LRP2BP: variants seen among roughly 807,000 people sequenced by gnomAD.
LRP2BP encodes the protein LRP2-binding protein.
LRP2BP carries 38 observed loss-of-function variants against 45.2 expected under a neutral mutation model. The ratio of observed to expected loss-of-function variants is 0.84; its 90% CI spans 0.65 to 1.10. The LOEUF is 1.10. Among genes scored for constraint, LRP2BP ranks in the 50% least tolerant of loss-of-function variants. The pLI, the probability that LRP2BP is intolerant of heterozygous loss-of-function variation, is 0.00. For synonymous variants in LRP2BP, 153 were observed against 153.9 expected (o/e 0.99, Z 0.04); for missense variants, 385 against 418.9 (o/e 0.92, Z 0.71).
chr4:185,377,620 C>T (rs1456739744), intron 2 of LRP2BP: 3 of 166,718 alleles, frequency 1.8e-5, no homozygotes, highest in African/African-American at 7.2e-5. Context: ...GGGTATAAGT[C>T]TATGCATTGG....
At position 185,367,053 on chromosome 4, in the gene LRP2BP, A is replaced by AT. The variant is rs2095390359; in HGVS notation, c.*126dup. 1 of 821,700 alleles carries AT rather than the reference A, an allele frequency of 1.2e-6. No individual in the cohort carries two copies. Among genetic ancestry groups the AT allele is most frequent in the Admixed American group, 2.4e-5 (1 of 42,250 alleles). The allele number at this position is 821,700 out of a possible 1,614,324, so 50.9% of individuals were successfully genotyped here. On this transcript the variant is annotated 3_prime_UTR_variant, in exon 9 of 9. Transcript: ENST00000505916. Reference sequence around the variant, plus strand: ...CGTACGAATTCAAGAACGAAGTAACATGTCACCTGTAAAATACCCAGGATA... The same window carrying AT: ...CGTACGAATTCAAGAACGAAGTAACATTGTCACCTGTAAAATACCCAGGATA...
chr4:185,397,225 G>A (rs1414613084), upstream of LRP2BP: 4 of 1,614,030 alleles, frequency 2.5e-6, no homozygotes, highest in Admixed American at 6.7e-5. Flanking sequence ...GCAGTCGCCT[G>A]TCCACTTAGC....
At chr4:185,380,547 T>G (rs1489425516) in intron 1 of LRP2BP, among the ~76,000 whole-genome samples, 1 of 152,192 alleles carries the variant, frequency 6.6e-6, no homozygotes, top group Non-Finnish European at 1.5e-5. Flanking sequence ...CTCCTCTATC[T>G]CTGTGTGTCC....
Position 185,370,759 on chromosome 4 carries a change from A to G in LRP2BP, c.859T>C (p.Cys287Arg), listed in dbSNP as rs1226758868. 3.1e-6 allele frequency: 5 copies of G among 1,614,158 alleles called. No individual in the cohort carries two copies. Among genetic ancestry groups the G allele is most frequent in the Admixed American group, 1.7e-5 (1 of 60,012 alleles). Residue 287 changes from cysteine (C) to arginine (R), a missense_variant, in exon 8 of 9, where the codon TGT (cysteine) becomes CGT (arginine). Physicochemically the swap from Cys to Arg is radical, Grantham distance 180 (BLOSUM62 -3). Coordinates refer to ENST00000505916, the MANE Select transcript of LRP2BP (RefSeq NM_001377440.1). ...DIPMIAQVTD[C>R]LPEFIGRGMA... ...CCTCTGCCGATGAACTCCGGGAGAC[A>G]GTCTGTGACCTGGGCGATCATGGGG...
At chr4:185,389,188 TTTTA>T (rs918374300) in intron 1 of LRP2BP, among the ~76,000 whole-genome samples, 7 of 148,308 alleles carry the variant, frequency 4.7e-5, no homozygotes, top group Non-Finnish European at 7.4e-5. Flanking sequence ...CTTTTTTAAT[TTTTA>T]TTTATTTTTA....
intron 2 of LRP2BP, chr4:185,377,230 AATACTGGCC>A: frequency 2.0e-6 from 1 of 512,544 alleles, no homozygotes; most frequent in Non-Finnish European, 3.5e-6. Context: ...GTAATAAAGC[AATACTGGCC>A]GGGCGCGGTG....
chr4:185,389,514 A>G (rs1189568604), intron 1 of LRP2BP, among the ~76,000 whole-genome samples: 2 of 152,088 alleles, frequency 1.3e-5, no homozygotes, highest in Admixed American at 1.3e-4. Flanking sequence ...CCAGCCTAAA[A>G]TAATAATTAA....
chr4:185,378,981 T>G (rs146943954), intron 1 of LRP2BP: 2 of 985,342 alleles, frequency 2.0e-6, no homozygotes, highest in Admixed American at 1.2e-4. Flanking sequence ...GCTGCATTTT[T>G]ATATCATTCC....
intron 8 of LRP2BP, among the ~76,000 whole-genome samples, chr4:185,367,653 A>G (rs1207735375): frequency 2.0e-5 from 3 of 152,210 alleles, no homozygotes; most frequent in Non-Finnish European, 4.4e-5. Context: ...TATTATGTCT[A>G]AATAGTGACA....
intron 7 of LRP2BP, chr4:185,371,049 A>G (rs368803284): frequency 5.3e-4 from 224 of 419,426 alleles, no homozygotes; most frequent in African/African-American, 4.1e-3. Context: ...AGGCTCAATA[A>G]CCACTGGAAA....
At chr4:185,396,759 T>C, upstream of LRP2BP, 1 of 722,856 alleles carries the variant, frequency 1.4e-6, no homozygotes, top group Non-Finnish European at 2.4e-6. Flanking sequence ...TGCTCGGGCG[T>C]AACCGGAGCT....
Position 185,378,175 on chromosome 4 carries a change from G to A in LRP2BP, c.12C>T (p.Thr4=). The part of the protein sequence containing the change: MKL[T]SEKLPKNPFY... The stretch of plus-strand genomic sequence containing the variant: ...AGGGGTTCTTGGGCAACTTTTCACT[G>A]GTCAACTTCATCCTTTTTCTGCAAT... Residue 4 remains threonine, a synonymous_variant, in exon 2 of 9, where the codon ACC becomes ACT. Transcript: ENST00000505916. 6.2e-7 allele frequency: 1 copy of A among 1,613,790 alleles called. No homozygotes were observed. The highest frequency in any genetic ancestry group is 8.5e-7 in the Non-Finnish European group (1 of 1,179,934).
rs151036415 is a variant in LRP2BP at position 185,369,791 on chromosome 4, T to C, written c.978+849A>G. ...CGCTTCTGTCTCCTAGAGACCATGA[T>C]TGAAATTTTCTGAAATAAGGCCTGA... is the stretch of plus-strand genomic sequence containing the variant. On this transcript the variant is annotated intron_variant, in intron 8 of 8. Coordinates refer to ENST00000505916, the MANE Select transcript of LRP2BP (RefSeq NM_001377440.1). 2.2e-3 allele frequency: 992 copies of C among 441,376 alleles called. 10 individuals are homozygous for C. Among genetic ancestry groups the C allele is most frequent in the African/African-American group, 0.018 (890 of 49,522 alleles). 27.3% of individuals were successfully genotyped at this position (441,376 alleles called of 1,614,324 possible). A position where few individuals can be genotyped will look rare whatever the true frequency, so the allele number is the denominator to read the frequency against.
Position 185,367,227 on chromosome 4 carries a change from C to T in LRP2BP, c.997G>A (p.Ala333Thr), listed in dbSNP as rs555878132. The change falls in exon 9 of 9, where the codon GCA (alanine) becomes ACA (threonine). Residue 333 changes from alanine (A) to threonine (T), a missense_variant. Physicochemically the swap from Ala to Thr is moderately conservative, Grantham distance 58. Coordinates refer to ENST00000505916, the MANE Select transcript of LRP2BP (RefSeq NM_001377440.1). ...AAGGAGTGAAGTTCATCTGCCAATG[C>T]GGGATTCAGACGACAAGCCTTAAAA... ...YYSKACRLNPALADELHSLLI... is the reference protein window; with the variant it reads ...YYSKACRLNPTLADELHSLLI... The T allele has an allele frequency of 6.0e-5, 97 of 1,610,880 alleles. 2 individuals carry two copies. The South Asian group carries it at 8.8e-4, about 15-fold the overall frequency.
chr4:185,370,299 C>T lies in LRP2BP; in HGVS notation c.978+341G>A, dbSNP rs1016129005. On this transcript the variant is annotated intron_variant, in intron 8 of 8. Coordinates refer to ENST00000505916, the MANE Select transcript of LRP2BP (RefSeq NM_001377440.1). ...TGTACTAGAATAAAAAACTTCATTACTGTACTAGAATGAACGTATACATTC... is the reference window on the plus strand; with the variant it reads ...TGTACTAGAATAAAAAACTTCATTATTGTACTAGAATGAACGTATACATTC... 1.6e-5 allele frequency: 3 copies of T among 184,790 alleles called. No homozygotes were observed. The East Asian group carries it at 3.8e-4, about 24-fold the overall frequency. 11.4% of individuals were successfully genotyped at this position (184,790 alleles called of 1,614,324 possible). A position where few individuals can be genotyped will look rare whatever the true frequency, so the allele number is the denominator to read the frequency against.
chr4:185,389,579 C>T (rs774873917), intron 1 of LRP2BP, among the ~76,000 whole-genome samples: 2 of 150,880 alleles, frequency 1.3e-5, no homozygotes, highest in Non-Finnish European at 2.9e-5. Flanking sequence ...GAGTATATAT[C>T]TAGTATTCTA....
At chr4:185,389,232 G>A (rs368229061) in intron 1 of LRP2BP, among the ~76,000 whole-genome samples, 17 of 149,974 alleles carry the variant, frequency 1.1e-4, no homozygotes, top group African/African-American at 2.5e-4. Context: ...TTTTGAGAAC[G>A]GAGTCTCACA....
In LRP2BP at chr4:185,395,380, G is replaced by A. The variant is rs1001377832; in HGVS notation, c.-623C>T. ...TACCCTTTATTAGTTAGGAATTCCT[G>A]AAAATGAACTTCTGTGCAAACCTGA... On this transcript the variant is annotated 5_prime_UTR_variant, in exon 1 of 9. Transcript: ENST00000505916. The A allele has an allele frequency of 2.5e-5, 25 of 985,234 alleles. No homozygotes were observed. In the African/African-American group the frequency reaches 4.4e-4, roughly 17 times the overall value. The allele number at this position is 985,234 out of a possible 1,614,324, so 61.0% of individuals were successfully genotyped here.
chr4:185,377,834 TC>T, intron 2 of LRP2BP: 1 of 376,806 alleles, frequency 2.7e-6, no homozygotes, highest in Non-Finnish European at 4.7e-6. Context: ...CTTTCTGTTT[TC>T]TAGAAGCATG....
Sources: gnomAD v4.1 joint callset for allele counts (sites outside exome capture counted in the v4.1 genomes callset) on GRCh38, gnomAD v4.1.1 for gene constraint, MANE v1.5 for transcripts, NCBI Gene and HGNC (gene_info 2026-07-23, HGNC 2026-07-21) for gene names.